Variants in LAMB1 observed in about 807,000 individuals in gnomAD.
LAMB1 encodes laminin subunit beta 1.
In LAMB1, 121 loss-of-function variants were observed where a neutral mutation model predicts 222.3. The ratio of observed to expected loss-of-function variants is 0.54; its 90% CI spans 0.47 to 0.63. The LOEUF (loss-of-function observed/expected upper bound fraction) is 0.63. Among genes scored for constraint, LAMB1 ranks in the 30% least tolerant of loss-of-function variants. The pLI is 0.00. For missense variants in LAMB1, 2,172 were observed against 2,240.8 expected, an observed-to-expected ratio of 0.97 and a Z score of 0.62; for synonymous variants, 794 against 807.2, an observed-to-expected ratio of 0.98 and a Z score of 0.28.
In LAMB1 at chr7:108,001,607, G is replaced by A. The variant is rs2034385289; in HGVS notation, c.164C>T (p.Thr55Met). The A allele has an allele frequency of 1.2e-6, 2 of 1,612,932 alleles. No individual in the cohort carries two copies. The highest frequency in any genetic ancestry group is 1.3e-5 in the African/African-American group (1 of 74,922). The change falls in exon 3 of 34, where the codon ACG becomes ATG. Residue 55 changes from threonine to methionine, a missense_variant. By Grantham distance (81) the Thr-to-Met change is moderately conservative (BLOSUM62 -1). Transcript: ENST00000222399. Reference protein sequence around the residue: ...GRAQKLSVTSTCGLHKPEPYC... With the variant: ...GRAQKLSVTSMCGLHKPEPYC... The stretch of plus-strand genomic sequence containing the variant: ...GGGTTCGGGCTTGTGCAGCCCGCAC[G>A]TCGAGGTCACCGAAAGCTTCTGTGC...
intron 21 of LAMB1, 139 bp downstream of exon 21, chr7:107,955,328 C>A: frequency 1.4e-6 from 1 of 716,344 alleles, no homozygotes; most frequent in South Asian, 2.7e-5. Flanking sequence ...AGGAAAAGAG[C>A]ATCTTTTCTA....
At chr7:107,957,367 A>G (rs780005617) in intron 20 of LAMB1, among the ~76,000 whole-genome samples, 16 of 152,046 alleles carry the variant, frequency 1.1e-4, no homozygotes, top group Non-Finnish European at 2.1e-4. Context: ...CTCCAGCCTG[A>G]GCAACAGAAT....
chr7:107,975,670 G>A lies in LAMB1; in HGVS notation c.1189+19C>T. ...ATCTGAAGTAGGTCCCACACAGTGA[G>A]TGACATTTCTCAACATACGTTCACA... On this transcript the variant is annotated intron_variant, in intron 10 of 33. Transcript: ENST00000222399. 6.2e-7 allele frequency: 1 copy of A among 1,600,122 alleles called. No individual in the cohort carries two copies. Among genetic ancestry groups the A allele is most frequent in the South Asian group, 1.1e-5 (1 of 89,472 alleles).
chr7:107,964,656 G>A lies in LAMB1; in HGVS notation c.1594C>T (p.Arg532Trp), dbSNP rs368444650. 55 of 1,614,002 alleles carry A rather than the reference G, an allele frequency of 3.4e-5. No homozygotes were observed. Among genetic ancestry groups the A allele is most frequent in the Non-Finnish European group, 3.6e-5 (43 of 1,180,014 alleles). ...CFAESGQCSCRPHMIGRQCNE... is the reference protein window; with the variant it reads ...CFAESGQCSCWPHMIGRQCNE... ...CACTGACGTCCAATCATGTGAGGCC[G>A]GCATGAGCACTGGCCTGACTCCGCA... The change falls in exon 14 of 34, where the codon CGG (arginine) becomes TGG (tryptophan). Residue 532 changes from arginine (R) to tryptophan (W), a missense_variant. Coordinates refer to ENST00000222399, the MANE Select transcript of LAMB1 (RefSeq NM_002291.3).
Position 107,998,363 on chromosome 7 carries a change from C to G in LAMB1, c.343G>C (p.Glu115Gln). The G allele has an allele frequency of 6.2e-7, 1 of 1,614,014 alleles. No homozygotes were observed. Among genetic ancestry groups the G allele is most frequent in the Non-Finnish European group, 8.5e-7 (1 of 1,180,000 alleles). The part of the protein sequence containing the change: ...PNRLKIWWQS[E>Q]NGVENVTIQL... ...CCCCACACCAACCACATACCATTTT[C>G]AGATTGCCACCAAATCTTAAGGCGG... The change falls in exon 4 of 34, where the codon GAA becomes CAA. Residue 115 changes from glutamate to glutamine, a missense_variant. By Grantham distance (29) the Glu-to-Gln change is conservative. Coordinates refer to ENST00000222399, the MANE Select transcript of LAMB1 (RefSeq NM_002291.3).
At chr7:107,999,160 T>C (rs999168821) in intron 3 of LAMB1, among the ~76,000 whole-genome samples, 4 of 152,234 alleles carry the variant, frequency 2.6e-5, no homozygotes, top group Non-Finnish European at 1.5e-5. Context: ...AACATGGGCA[T>C]GAACTAGGAT....
At chr7:107,967,649 C>T (rs2701032) in intron 13 of LAMB1, among the ~76,000 whole-genome samples, 4,747 of 152,194 alleles carry the variant, frequency 0.031, 217 homozygotes, top group African/African-American at 0.1. Context: ...GCCTTGCTTC[C>T]CAGTGCAGGT....
chr7:107,952,725 T>G (rs907062152), intron 22 of LAMB1, among the ~76,000 whole-genome samples: 1 of 152,168 alleles, frequency 6.6e-6, no homozygotes, highest in African/African-American at 2.4e-5. Context: ...GCCTGGGGGC[T>G]GTGCAGCTGC....
intron 26 of LAMB1, among the ~76,000 whole-genome samples, chr7:107,936,752 T>A (rs1175388175): frequency 6.6e-6 from 1 of 152,104 alleles, no homozygotes; most frequent in East Asian, 1.9e-4. Flanking sequence ...TGCAGAAGTA[T>A]TAATACCTTA....
intron 3 of LAMB1, 132 bp downstream of exon 3, chr7:108,001,426 T>C (rs564048793): frequency 2.3e-5 from 23 of 998,856 alleles, no homozygotes; most frequent in Middle Eastern, 3.2e-4. Context: ...ACAAGCCTAA[T>C]CCCGGGACTC....
In LAMB1 at chr7:107,924,467, T is replaced by C. The variant is rs902183657; in HGVS notation, c.5065-78A>G. ...ACATTTAAGAGCAATAGTGTAATCA[T>C]GGCATGCATTCTGGATTAAGGGCCA... On this transcript the variant is annotated intron_variant, in intron 32 of 33. Coordinates refer to ENST00000222399, the MANE Select transcript of LAMB1 (RefSeq NM_002291.3). The C allele has an allele frequency of 4.4e-6, 5 of 1,130,236 alleles. No individual in the cohort carries two copies. The Admixed American group carries it at 1.1e-4, about 25-fold the overall frequency. 70.0% of individuals were successfully genotyped at this position (1,130,236 alleles called of 1,614,324 possible).
intron 5 of LAMB1, among the ~76,000 whole-genome samples, chr7:107,988,195 G>GA (rs1348237995): frequency 4.6e-5 from 7 of 152,220 alleles, no homozygotes; most frequent in African/African-American, 1.7e-4. Flanking sequence ...GCAGGGTGAG[G>GA]AAAGAAATAC....
chr7:107,999,104 C>T (rs910051842), intron 3 of LAMB1, among the ~76,000 whole-genome samples: 3 of 152,220 alleles, frequency 2.0e-5, no homozygotes, highest in Non-Finnish European at 2.9e-5. Flanking sequence ...GGGAGGACCA[C>T]GCCATGTTGG....
chr7:107,986,093 T>C lies in LAMB1; in HGVS notation c.613-8A>G. 14 of 1,612,414 alleles carry C rather than the reference T, an allele frequency of 8.7e-6. No individual in the cohort carries two copies. Among genetic ancestry groups the C allele is most frequent in the Non-Finnish European group, 1.2e-5 (14 of 1,178,492 alleles). ...TAAAGCACGAAATATCACCTAAAAA[T>C]GGAAACAAGAGTAATTGGTACTTCT... On this transcript the variant is annotated splice_region_variant and splice_polypyrimidine_tract_variant and intron_variant, in intron 6 of 33. Transcript: ENST00000222399.
chr7:107,939,673 G>A (rs994952876), intron 25 of LAMB1, among the ~76,000 whole-genome samples: 1 of 152,124 alleles, frequency 6.6e-6, no homozygotes, highest in Non-Finnish European at 1.5e-5. Context: ...ACTCAATTAT[G>A]GATCTTTGTC....
intron 25 of LAMB1, 123 bp downstream of exon 25, chr7:107,939,866 T>C (rs1266286472): frequency 3.6e-6 from 4 of 1,119,746 alleles, no homozygotes; most frequent in Non-Finnish European, 5.1e-6. Context: ...GCTCAGAATC[T>C]GTTCTCACCC....
intron 29 of LAMB1, among the ~76,000 whole-genome samples, chr7:107,930,395 T>C (rs1301687768): frequency 6.6e-6 from 1 of 152,252 alleles, no homozygotes; most frequent in Non-Finnish European, 1.5e-5. Context: ...CCATAAAATA[T>C]TACCTAAGAT....
intron 23 of LAMB1, 98 bp from the exon 24 acceptor site, chr7:107,951,420 GT>G: frequency 9.5e-7 from 1 of 1,048,494 alleles, no homozygotes; most frequent in Non-Finnish European, 1.4e-6. Context: ...GGAATGAACT[GT>G]TTACCTGAGA....
chr7:107,925,971 AT>A (rs1354085447), intron 32 of LAMB1, among the ~76,000 whole-genome samples: 1 of 151,830 alleles, frequency 6.6e-6, no homozygotes, highest in African/African-American at 2.4e-5. Context: ...TCTTGTCCAA[AT>A]TTGGATTTGA....
Sources: gnomAD v4.1 joint callset for allele counts (sites outside exome capture counted in the v4.1 genomes callset) on GRCh38, gnomAD v4.1.1 for gene constraint, MANE v1.5 for transcripts, NCBI Gene and HGNC (gene_info 2026-07-23, HGNC 2026-07-21) for gene names.